The following DOCK4 variants were observed in gnomAD, a reference collection of about 807,000 sequenced individuals.
DOCK4 encodes dedicator of cytokinesis protein 4.
A neutral mutation model predicts 268.1 loss-of-function variants in DOCK4; 97 were observed. The ratio of observed to expected loss-of-function variants is 0.36; its 90% CI spans 0.31 to 0.43. DOCK4 has a LOEUF of 0.43. DOCK4 is among the 20% of genes least tolerant of loss of function. The pLI, the probability that DOCK4 is intolerant of heterozygous loss-of-function variation, is 1.00. For missense variants in DOCK4, 2,145 were observed against 2,455.7 expected (o/e 0.87, Z 2.67); for synonymous variants, 954 against 887.2 (o/e 1.08, Z -1.34).
intron 51 of DOCK4, 39 bp downstream of exon 51, chr7:111,735,015 T>C: frequency 2.0e-6 from 3 of 1,481,280 alleles, no homozygotes; most frequent in Non-Finnish European, 2.8e-6. Context: ...ATAAAAGTTA[T>C]TTTATAAAAG....
intron 1 of DOCK4, among the ~76,000 whole-genome samples, chr7:112,018,143 C>CAA (rs140883588): frequency 0.013 from 275 of 20,632 alleles, 96 homozygotes; most frequent in East Asian, 0.03. Flanking sequence ...GACTCCAGCT[C>CAA]AAAAAAAAAA....
intron 13 of DOCK4, among the ~76,000 whole-genome samples, chr7:111,908,488 T>A (rs1175726095): frequency 1.3e-5 from 2 of 151,810 alleles, no homozygotes; most frequent in Non-Finnish European, 2.9e-5. Flanking sequence ...ATAATGAAAT[T>A]GCTTACTTCT....
In DOCK4 at chr7:112,000,179, A is replaced by G. The variant is rs1800307869; in HGVS notation, c.162+315T>C. On this transcript the variant is annotated intron_variant, in intron 3 of 52. Coordinates refer to ENST00000428084, the MANE Select transcript of DOCK4 (RefSeq NM_001363540.2). ...ACTGCTATTTAATATTTCTTTTGGC[A>G]TATGTATTTCCCCTGCCTGAATTTT... is the stretch of plus-strand genomic sequence containing the variant. Among the ~76,000 whole-genome samples, 5 of 152,112 alleles carry G rather than the reference A, an allele frequency of 3.3e-5. 1 individual carries two copies. Among genetic ancestry groups the G allele is most frequent in the Non-Finnish European group, 1.5e-5 (1 of 67,982 alleles).
intron 23 of DOCK4, 73 bp from the exon 24 acceptor site, chr7:111,847,199 C>CT: frequency 2.6e-6 from 4 of 1,555,982 alleles, no homozygotes; most frequent in Non-Finnish European, 3.5e-6. Flanking sequence ...TCCTTATCTA[C>CT]TTTTAATTCA....
chr7:112,071,731 T>G (rs1245306179), intron 1 of DOCK4, among the ~76,000 whole-genome samples: 2 of 152,216 alleles, frequency 1.3e-5, no homozygotes, highest in East Asian at 3.8e-4. Context: ...GCCAAAATCT[T>G]CTTATTTGGA....
chr7:111,734,622 T>C (rs1214905896), intron 51 of DOCK4, among the ~76,000 whole-genome samples: 2 of 152,310 alleles, frequency 1.3e-5, no homozygotes, highest in East Asian at 3.9e-4. Flanking sequence ...TCTGATAAGC[T>C]TATGGAGCGT....
intron 1 of DOCK4, among the ~76,000 whole-genome samples, chr7:112,120,959 A>T (rs1008659188): frequency 6.6e-6 from 1 of 152,160 alleles, no homozygotes; most frequent in African/African-American, 2.4e-5. Flanking sequence ...TAAATTTTTC[A>T]TTCTTTGAGA....
At chr7:111,742,954 T>C (rs540869774) in intron 44 of DOCK4, among the ~76,000 whole-genome samples, 2 of 151,478 alleles carry the variant, frequency 1.3e-5, no homozygotes, top group Non-Finnish European at 2.9e-5. Context: ...ATCATGCCAC[T>C]GCATTTCAGC....
intron 12 of DOCK4, among the ~76,000 whole-genome samples, chr7:111,931,353 A>G (rs558551046): frequency 6.6e-6 from 1 of 152,328 alleles, no homozygotes; most frequent in South Asian, 2.1e-4. Context: ...TAAACAGAAA[A>G]GGTATGACTC....
At chr7:111,924,415 C>T (rs758256911) in intron 12 of DOCK4, among the ~76,000 whole-genome samples, 16 of 152,088 alleles carry the variant, frequency 1.1e-4, no homozygotes, top group Non-Finnish European at 2.1e-4. Flanking sequence ...ATACCATATA[C>T]CTTGACTGGA....
chr7:111,939,799 A>G (rs1272122908), intron 11 of DOCK4, among the ~76,000 whole-genome samples: 1 of 152,194 alleles, frequency 6.6e-6, no homozygotes, highest in Non-Finnish European at 1.5e-5. Context: ...ACTTTCCAAG[A>G]ACACATTGAC....
At chr7:112,172,290 G>A (rs1298207709) in intron 1 of DOCK4, among the ~76,000 whole-genome samples, 1 of 152,144 alleles carries the variant, frequency 6.6e-6, no homozygotes, top group Non-Finnish European at 1.5e-5. Context: ...AATGCCTGCA[G>A]AAATAAGAAT....
At chr7:112,003,954 T>G in intron 2 of DOCK4, 94 bp downstream of exon 2, 1 of 932,280 alleles carries the variant, frequency 1.1e-6, no homozygotes, top group South Asian at 2.2e-5. Flanking sequence ...TGGTGACTAC[T>G]GGAAAAGTTC....
At chr7:111,829,800 A>G (rs925636665) in intron 26 of DOCK4, among the ~76,000 whole-genome samples, 2 of 152,222 alleles carry the variant, frequency 1.3e-5, no homozygotes, top group Non-Finnish European at 2.9e-5. Context: ...CTTTACTACG[A>G]TATCAAAACC....
chr7:111,775,906 A>T (rs1202906727), intron 36 of DOCK4, among the ~76,000 whole-genome samples: 1 of 152,174 alleles, frequency 6.6e-6, no homozygotes, highest in Non-Finnish European at 1.5e-5. Flanking sequence ...TAGGAAAGGA[A>T]GTTCTTGGGA....
chr7:112,091,212 T>C (rs1460881266), intron 1 of DOCK4, among the ~76,000 whole-genome samples: 1 of 152,158 alleles, frequency 6.6e-6, no homozygotes, highest in East Asian at 1.9e-4. Context: ...TTCGCAGACA[T>C]AATTAAGATA....
intron 1 of DOCK4, among the ~76,000 whole-genome samples, chr7:112,037,106 T>C (rs374419928): frequency 2.0e-5 from 3 of 152,288 alleles, no homozygotes; most frequent in African/African-American, 7.2e-5. Context: ...AGGCAAGCCA[T>C]TCTGTTTTTC....
At position 111,746,406 on chromosome 7, in the gene DOCK4, G is replaced by A. The variant is rs769658762; in HGVS notation, c.4605C>T (p.Val1535=). ...GVSRYQEAFF[V]KEYILSHPED... is the part of the protein sequence containing the mutation. ...CAGGGTGACTTAAGATATATTCTTT[G>A]ACAAAGAATGCCTAGTAAGGGAAAG... Residue 1535 remains valine, a synonymous_variant, in exon 44 of 53, where the codon GTC becomes GTT. Coordinates refer to ENST00000428084, the MANE Select transcript of DOCK4 (RefSeq NM_001363540.2). 3.1e-6 allele frequency: 5 copies of A among 1,609,446 alleles called. No individual in the cohort carries two copies. The highest frequency in any genetic ancestry group is 4.2e-6 in the Non-Finnish European group (5 of 1,177,330).
chr7:112,172,472 T>C (rs1417952913), intron 1 of DOCK4, among the ~76,000 whole-genome samples: 3 of 152,172 alleles, frequency 2.0e-5, no homozygotes, highest in East Asian at 3.8e-4. Flanking sequence ...TGACGTCAAA[T>C]ACAGGCCAGG....
Sources: gnomAD v4.1 joint callset for allele counts (sites outside exome capture counted in the v4.1 genomes callset) on GRCh38, gnomAD v4.1.1 for gene constraint, MANE v1.5 for transcripts, NCBI Gene and HGNC (gene_info 2026-07-23, HGNC 2026-07-21) for gene names.